RABGAP1L: variants seen among roughly 807,000 people sequenced by gnomAD.
RABGAP1L encodes the protein rab GTPase-activating protein 1-like.
RABGAP1L carries 63 observed loss-of-function variants against 137.7 expected under a neutral mutation model. The observed-to-expected ratio is 0.46, with a 90% CI of 0.37 to 0.56. RABGAP1L has a LOEUF of 0.56. RABGAP1L is among the 20% of genes least tolerant of loss of function. The pLI is 0.00. For missense variants in RABGAP1L, 1,095 were observed against 1,244.0 expected (o/e 0.88, Z 1.80); for synonymous variants, 431 against 433.7 (o/e 0.99, Z 0.08).
intron 13 of RABGAP1L, among the ~76,000 whole-genome samples, chr1:174,623,475 A>G (rs1187801138): frequency 6.6e-6 from 1 of 152,218 alleles, no homozygotes; most frequent in Non-Finnish European, 1.5e-5. Context: ...AGTGTATTAC[A>G]ACTATAGAAT....
In RABGAP1L at chr1:174,793,207, C is replaced by T. The variant is rs573423815; in HGVS notation, c.2212-18625C>T. On this transcript the variant is annotated intron_variant, in intron 18 of 25. Coordinates refer to ENST00000681986, the MANE Select transcript of RABGAP1L (RefSeq NM_001366446.1). Reference sequence around the variant, plus strand: ...AAATGACTCTCTACAGACCATAAGACATTCTTACATTAATAAAGGCATTAC... The same window carrying T: ...AAATGACTCTCTACAGACCATAAGATATTCTTACATTAATAAAGGCATTAC... 8.5e-5 allele frequency among the ~76,000 whole-genome samples: 13 copies of T among 152,130 alleles called. No individual in the cohort carries two copies. In the East Asian group the frequency reaches 2.1e-3, roughly 25 times the overall value.
At chr1:174,553,601 AACAG>A (rs907450137) in intron 13 of RABGAP1L, among the ~76,000 whole-genome samples, 11 of 152,226 alleles carry the variant, frequency 7.2e-5, no homozygotes, top group East Asian at 3.8e-4. Context: ...ATTACTCTAA[AACAG>A]ACAGATTGTA....
At chr1:174,468,302 C>G (rs1657528385) in intron 13 of RABGAP1L, among the ~76,000 whole-genome samples, 1 of 152,060 alleles carries the variant, frequency 6.6e-6, no homozygotes, top group Admixed American at 6.6e-5. Context: ...CCCTAGTACT[C>G]TAATTTATAA....
chr1:174,634,586 A>G (rs1462453973), intron 13 of RABGAP1L, among the ~76,000 whole-genome samples: 11 of 132,224 alleles, frequency 8.3e-5, no homozygotes, highest in African/African-American at 1.5e-4. Flanking sequence ...ATGCACACGT[A>G]TGTTTATTGC....
intron 13 of RABGAP1L, among the ~76,000 whole-genome samples, chr1:174,443,487 T>C (rs1230374855): frequency 6.6e-6 from 1 of 152,122 alleles, no homozygotes; most frequent in East Asian, 1.9e-4. Flanking sequence ...AAATGAGTAA[T>C]TTTTCATATA....
At chr1:174,732,824 C>T (rs1048252386) in intron 17 of RABGAP1L, among the ~76,000 whole-genome samples, 3 of 152,050 alleles carry the variant, frequency 2.0e-5, no homozygotes, top group African/African-American at 7.3e-5. Context: ...ATTTAGCATC[C>T]AAAGGCACGA....
chr1:174,955,950 A>G (rs1287742092), intron 19 of RABGAP1L, among the ~76,000 whole-genome samples: 3 of 152,178 alleles, frequency 2.0e-5, no homozygotes, highest in Non-Finnish European at 4.4e-5. Flanking sequence ...TAAGTAAGGG[A>G]ATTCTATAAC....
At chr1:174,172,144 T>G (rs938796495) in intron 1 of RABGAP1L, among the ~76,000 whole-genome samples, 1 of 103,888 alleles carries the variant, frequency 9.6e-6, no homozygotes, top group Non-Finnish European at 2.0e-5. Context: ...CAGTATCTCC[T>G]TTTTTTTTTT....
intron 1 of RABGAP1L, among the ~76,000 whole-genome samples, chr1:174,167,981 A>G (rs906918532): frequency 2.0e-5 from 3 of 152,074 alleles, no homozygotes; most frequent in African/African-American, 7.2e-5. Flanking sequence ...GCATACATTG[A>G]TGGCCGGGGG....
At chr1:174,772,385 C>T (rs1459804254) in intron 18 of RABGAP1L, among the ~76,000 whole-genome samples, 1 of 151,822 alleles carries the variant, frequency 6.6e-6, no homozygotes, top group Non-Finnish European at 1.5e-5. Context: ...CGAGATCACC[C>T]TGGCCAACAT....
In RABGAP1L at chr1:174,654,610, A is replaced by G. The variant is rs568212008; in HGVS notation, c.1824+17122A>G. 2.6e-5 allele frequency among the ~76,000 whole-genome samples: 4 copies of G among 152,310 alleles called. No homozygotes were observed. In the South Asian group the frequency reaches 8.3e-4, roughly 32 times the overall value. On this transcript the variant is annotated intron_variant, in intron 14 of 25. Coordinates refer to ENST00000681986, the MANE Select transcript of RABGAP1L (RefSeq NM_001366446.1). ...CATATTCAGTTAGTAGTTTACTTGT[A>G]ATGAGGACATTACAATTTTTTTAAA...
intron 1 of RABGAP1L, among the ~76,000 whole-genome samples, chr1:174,162,477 A>G (rs1281041083): frequency 6.6e-6 from 1 of 152,130 alleles, no homozygotes; most frequent in African/African-American, 2.4e-5. Flanking sequence ...AGTAGTGGCT[A>G]AGTAGCAAAA....
intron 10 of RABGAP1L, 63 bp downstream of exon 10, chr1:174,278,842 T>C (rs888510779): frequency 7.9e-7 from 1 of 1,266,650 alleles, no homozygotes; most frequent in Middle Eastern, 2.0e-4. Flanking sequence ...ACTTCTTTTT[T>C]AATGCCAAGA....
chr1:174,690,215 A>AT (rs761546317), intron 15 of RABGAP1L, among the ~76,000 whole-genome samples: 1 of 152,208 alleles, frequency 6.6e-6, no homozygotes, highest in Middle Eastern at 3.2e-3. Flanking sequence ...TTCAAGTTAT[A>AT]TGGCTTTGGG....
intron 5 of RABGAP1L, among the ~76,000 whole-genome samples, chr1:174,250,160 T>C (rs116199706): frequency 6.6e-6 from 1 of 152,338 alleles, no homozygotes; most frequent in African/African-American, 2.4e-5. Flanking sequence ...ATTTACTTCT[T>C]AAGCGATATT....
Position 174,345,746 on chromosome 1 carries a change from T to C in RABGAP1L, c.1466-25233T>C, listed in dbSNP as rs1412608010. Among the ~76,000 whole-genome samples the C allele has an allele frequency of 2.0e-5, 3 of 152,206 alleles. No individual in the cohort carries two copies. The East Asian group carries it at 5.8e-4, about 29-fold the overall frequency. ...GAGTGCCCTTTATACCTTTCTTTTG[T>C]GTAATTGCTCTGGCTAGGACTTTCA... is the stretch of plus-strand genomic sequence containing the variant. On this transcript the variant is annotated intron_variant, in intron 11 of 25. Transcript: ENST00000681986.
intron 11 of RABGAP1L, among the ~76,000 whole-genome samples, chr1:174,350,976 A>C (rs1683118667): frequency 8.0e-6 from 1 of 125,220 alleles, no homozygotes; most frequent in African/African-American, 3.0e-5. Flanking sequence ...GGCATTCGGC[A>C]GACTGAGGCA....
At chr1:174,795,473 T>C (rs1281591325) in intron 18 of RABGAP1L, among the ~76,000 whole-genome samples, 1 of 152,198 alleles carries the variant, frequency 6.6e-6, no homozygotes, top group Non-Finnish European at 1.5e-5. Context: ...TCCTACAATT[T>C]GTCACCCTAG....
intron 14 of RABGAP1L, among the ~76,000 whole-genome samples, chr1:174,644,491 C>G (rs150124627): frequency 6.6e-6 from 1 of 151,678 alleles, no homozygotes; most frequent in Non-Finnish European, 1.5e-5. Context: ...TTAAAAAACA[C>G]TACTCTTTCA....
Sources: gnomAD v4.1 joint callset for allele counts (sites outside exome capture counted in the v4.1 genomes callset) on GRCh38, gnomAD v4.1.1 for gene constraint, MANE v1.5 for transcripts, NCBI Gene and HGNC (gene_info 2026-07-23, HGNC 2026-07-21) for gene names.